The following TMEM117 variants were observed in gnomAD, a reference collection of about 807,000 sequenced individuals.
TMEM117 encodes the protein transmembrane protein 117.
In TMEM117, 27 loss-of-function variants were observed where a neutral mutation model predicts 52.4. The ratio of observed to expected loss-of-function variants is 0.51; its 90% CI spans 0.38 to 0.71. The LOEUF (loss-of-function observed/expected upper bound fraction) is 0.71. Ranked by LOEUF, TMEM117 falls within the 30% of genes least tolerant of loss-of-function variation. The pLI is 0.00. For missense variants in TMEM117, 556 were observed against 630.5 expected, an observed-to-expected ratio of 0.88 and a Z score of 1.26; for synonymous variants, 215 against 206.3, an observed-to-expected ratio of 1.04 and a Z score of -0.36.
chr12:44,312,251 C>T (rs947891287), intron 6 of TMEM117, among the ~76,000 whole-genome samples: 1 of 151,886 alleles, frequency 6.6e-6, no homozygotes, highest in African/African-American at 2.4e-5. Context: ...AGTTTTTCAG[C>T]CCTTGTCCCT....
chr12:43,986,405 T>G (rs1000854240), intron 3 of TMEM117, among the ~76,000 whole-genome samples: 3 of 152,176 alleles, frequency 2.0e-5, no homozygotes, highest in African/African-American at 7.2e-5. Context: ...GGATTAGAAT[T>G]TGACTATTAT....
the TMEM117 span, among the ~76,000 whole-genome samples, chr12:43,828,179 A>G: frequency 2.0e-5 from 3 of 152,240 alleles, no homozygotes; most frequent in African/African-American, 7.2e-5. Context: ...GATAGGAGAT[A>G]TATGCTAACT....
intron 3 of TMEM117, among the ~76,000 whole-genome samples, chr12:43,950,932 A>G (rs1315047541): frequency 1.3e-5 from 2 of 152,308 alleles, no homozygotes; most frequent in South Asian, 2.1e-4. Context: ...TGGTTTCTGC[A>G]TTTCCAGCTG....
intron 1 of TMEM117, among the ~76,000 whole-genome samples, chr12:43,836,712 T>G (rs1943037035): frequency 1.3e-5 from 2 of 152,134 alleles, no homozygotes; most frequent in Non-Finnish European, 1.5e-5. Context: ...TAAAACTATT[T>G]TTTTTCATTC....
At chr12:43,950,451 G>T (rs1025576836) in intron 3 of TMEM117, among the ~76,000 whole-genome samples, 2 of 151,684 alleles carry the variant, frequency 1.3e-5, no homozygotes, top group African/African-American at 4.9e-5. Flanking sequence ...GTGGGGTCTT[G>T]TGGGGTTGGG....
At chr12:43,997,167 A>G (rs544216188) in intron 3 of TMEM117, among the ~76,000 whole-genome samples, 1 of 152,236 alleles carries the variant, frequency 6.6e-6, no homozygotes, top group Non-Finnish European at 1.5e-5. Context: ...TGGTAGAACT[A>G]ACATAGAACC....
At chr12:44,060,194 A>AT (rs956408452) in intron 3 of TMEM117, among the ~76,000 whole-genome samples, 6 of 152,038 alleles carry the variant, frequency 3.9e-5, no homozygotes, top group African/African-American at 9.7e-5. Flanking sequence ...TAGATGTTTG[A>AT]TTTTTTCTTC....
intron 5 of TMEM117, among the ~76,000 whole-genome samples, chr12:44,217,267 T>C (rs1592614789): frequency 6.6e-6 from 1 of 152,144 alleles, no homozygotes; most frequent in Non-Finnish European, 1.5e-5. Flanking sequence ...TGAATTATTA[T>C]TTGTTTTATG....
At position 44,140,980 on chromosome 12, in the gene TMEM117, A is replaced by G. The variant is rs961064981; in HGVS notation, c.411-2545A>G. Among the ~76,000 whole-genome samples, 30 of 152,086 alleles carry G rather than the reference A, an allele frequency of 2.0e-4. 1 individual carries two copies. Among genetic ancestry groups the G allele is most frequent in the Admixed American group, 1.8e-3 (28 of 15,250 alleles). On this transcript the variant is annotated intron_variant, in intron 3 of 7. Transcript: ENST00000266534. ...TCTTCTGGGTTTCTCCTTCCTCACT[A>G]GGATCTTGGCTCCTTAAATTTCCAA...
rs560513873 is a variant in TMEM117, at chr12:44,267,172, C to T, written c.609-32408C>T. Reference sequence around the variant, plus strand: ...CATAAAATATATTTCTTTTTATCTTCGTCTTCTTTAATTTTTTCAACTATG... The same window carrying T: ...CATAAAATATATTTCTTTTTATCTTTGTCTTCTTTAATTTTTTCAACTATG... On this transcript the variant is annotated intron_variant, in intron 5 of 7. Transcript: ENST00000266534. Among the ~76,000 whole-genome samples the T allele has an allele frequency of 1.5e-3, 226 of 151,978 alleles. 2 individuals carry two copies. Among genetic ancestry groups the T allele is most frequent in the African/African-American group, 5.1e-3 (212 of 41,498 alleles).
chr12:44,317,352 A>C (rs542562011), intron 6 of TMEM117, among the ~76,000 whole-genome samples: 53 of 150,746 alleles, frequency 3.5e-4, no homozygotes, highest in African/African-American at 1.2e-3. Flanking sequence ...GTAACTGTAA[A>C]GAATGTTGGC....
the TMEM117 span, among the ~76,000 whole-genome samples, chr12:43,824,351 C>A: frequency 1.3e-5 from 2 of 152,160 alleles, no homozygotes; most frequent in South Asian, 4.1e-4. Flanking sequence ...GGGAATCTAT[C>A]CCTATTGGTA....
chr12:43,906,701 G>T (rs999508004), intron 2 of TMEM117, among the ~76,000 whole-genome samples: 3 of 152,234 alleles, frequency 2.0e-5, no homozygotes, highest in Non-Finnish European at 4.4e-5. Context: ...AGGGGTCAGG[G>T]AGTTCCCTTT....
At chr12:43,800,325 CTCATGTTT>C in the TMEM117 span, 1 of 724,284 alleles carries the variant, frequency 1.4e-6, no homozygotes, top group South Asian at 1.9e-5. Context: ...TTCTCTTATT[CTCATGTTT>C]TCAGATTATC....
intron 5 of TMEM117, among the ~76,000 whole-genome samples, chr12:44,235,013 C>T (rs1312427551): frequency 6.6e-6 from 1 of 151,482 alleles, no homozygotes; most frequent in Non-Finnish European, 1.5e-5. Flanking sequence ...GTGTCTACTT[C>T]TTTTAGTTAC....
rs1463354660 is a variant in TMEM117 at position 44,388,706 on chromosome 12, C to T, written c.*34C>T. On this transcript the variant is annotated 3_prime_UTR_variant, in exon 8 of 8. Coordinates refer to ENST00000266534, the MANE Select transcript of TMEM117 (RefSeq NM_032256.3). ...ATAGACTTGGAGATAACACAAAAAG[C>T]AACCTTGAGTGTAACTTTAAAAATT... is the stretch of plus-strand genomic sequence containing the variant. The T allele has an allele frequency of 6.3e-7, 1 of 1,593,648 alleles. No homozygotes were observed. Among genetic ancestry groups the T allele is most frequent in the South Asian group, 1.1e-5 (1 of 88,364 alleles).
the TMEM117 span, among the ~76,000 whole-genome samples, chr12:43,827,957 C>A: frequency 6.6e-6 from 1 of 152,060 alleles, no homozygotes; most frequent in African/African-American, 2.4e-5. Flanking sequence ...TGGAGTGATG[C>A]GTCTGCAAGT....
chr12:44,165,487 T>G (rs1948953779), intron 4 of TMEM117, among the ~76,000 whole-genome samples: 1 of 152,160 alleles, frequency 6.6e-6, no homozygotes, highest in African/African-American at 2.4e-5. Flanking sequence ...AAGAAATTTA[T>G]TTCACCTGTA....
At chr12:44,081,606 T>A (rs2138014539) in intron 3 of TMEM117, among the ~76,000 whole-genome samples, 1 of 152,274 alleles carries the variant, frequency 6.6e-6, no homozygotes, top group Middle Eastern at 3.4e-3. Flanking sequence ...TGCTGTACAG[T>A]GATTTCCTTC....
Sources: allele counts gnomAD v4.1 joint callset (sites outside exome capture counted in the v4.1 genomes callset), GRCh38; gene constraint gnomAD v4.1.1; transcripts MANE v1.5; gene names NCBI Gene and HGNC (gene_info 2026-07-23, HGNC 2026-07-21).